Variants in TAF1B observed in about 807,000 individuals in gnomAD.
TAF1B encodes the protein TATA box-binding protein-associated factor RNA polymerase I subunit B.
TAF1B carries 61 observed loss-of-function variants against 83.9 expected under a neutral mutation model. That is an observed-to-expected ratio of 0.73 (90% CI 0.59 to 0.90). The LOEUF (loss-of-function observed/expected upper bound fraction) is 0.90. Ranked by LOEUF, TAF1B falls within the 40% of genes least tolerant of loss-of-function variation. The pLI is 0.00. For missense variants in TAF1B, 625 were observed against 677.0 expected, an observed-to-expected ratio of 0.92 and a Z score of 0.85; for synonymous variants, 221 against 224.6, an observed-to-expected ratio of 0.98 and a Z score of 0.14.
intron 14 of TAF1B, among the ~76,000 whole-genome samples, chr2:9,931,747 A>G (rs1021904237): frequency 5.9e-5 from 9 of 152,184 alleles, no homozygotes; most frequent in African/African-American, 2.2e-4. Context: ...CTCCTGGATA[A>G]TATCCTGCAG....
At chr2:9,874,022 A>G (rs1337964847) in intron 6 of TAF1B, among the ~76,000 whole-genome samples, 1 of 152,138 alleles carries the variant, frequency 6.6e-6, no homozygotes, top group Non-Finnish European at 1.5e-5. Context: ...ATGACCTACA[A>G]AATTCTACAT....
chr2:9,920,609 G>A (rs1665849076), intron 14 of TAF1B, among the ~76,000 whole-genome samples: 1 of 151,668 alleles, frequency 6.6e-6, no homozygotes, highest in Non-Finnish European at 1.5e-5. Context: ...TGCCCCTCAG[G>A]TGTTAATAGT....
At chr2:9,910,665 A>G in intron 9 of TAF1B, 71 bp from the exon 10 acceptor site, 1 of 1,357,478 alleles carries the variant, frequency 7.4e-7, no homozygotes. Flanking sequence ...GATAAAGGTT[A>G]TTTTATGGAT....
Position 9,878,616 on chromosome 2 carries a change from A to G in TAF1B, c.707+2598A>G, listed in dbSNP as rs56080224. On this transcript the variant is annotated intron_variant, in intron 7 of 14. Coordinates refer to ENST00000263663, the MANE Select transcript of TAF1B (RefSeq NM_005680.3). The stretch of plus-strand genomic sequence containing the variant: ...TAAGGGACCCTGCCTACCTAGCAAT[A>G]ATGGCATTAATGAATAAAAATAGCC... Among the ~76,000 whole-genome samples, 602 of 152,274 alleles carry G rather than the reference A, an allele frequency of 4.0e-3. 5 individuals are homozygous for G. The highest frequency in any genetic ancestry group is 0.014 in the African/African-American group (573 of 41,544).
intron 7 of TAF1B, among the ~76,000 whole-genome samples, chr2:9,879,782 T>G (rs1291462880): frequency 2.0e-5 from 3 of 152,196 alleles, no homozygotes; most frequent in Non-Finnish European, 2.9e-5. Flanking sequence ...TGAGGTATAA[T>G]TTATATATAA....
rs949816928 is a variant in TAF1B, at chr2:9,843,504, T to C, written c.-38T>C. 6.6e-6 allele frequency: 10 copies of C among 1,520,220 alleles called. No homozygotes were observed. Among genetic ancestry groups the C allele is most frequent in the Non-Finnish European group, 8.9e-6 (10 of 1,129,550 alleles). The allele number at this position is 1,520,220 out of a possible 1,614,324, so 94.2% of individuals were successfully genotyped here. On this transcript the variant is annotated 5_prime_UTR_variant, in exon 1 of 15. Coordinates refer to ENST00000263663, the MANE Select transcript of TAF1B (RefSeq NM_005680.3). Reference sequence around the variant, plus strand: ...CCGGAAGCTGCGCTCGCTACCCGGGTAACGGGTCCCGGCTGTGGAAGCTCC... The same window carrying C: ...CCGGAAGCTGCGCTCGCTACCCGGGCAACGGGTCCCGGCTGTGGAAGCTCC...
At chr2:9,902,933 A>T (rs1188033254) in intron 8 of TAF1B, among the ~76,000 whole-genome samples, 1 of 152,216 alleles carries the variant, frequency 6.6e-6, no homozygotes. Context: ...ATAGTTATTT[A>T]TCCAAGCCTT....
intron 5 of TAF1B, among the ~76,000 whole-genome samples, chr2:9,864,568 A>G (rs1663898255): frequency 6.6e-6 from 1 of 152,214 alleles, no homozygotes. Context: ...AAAAAGAGGG[A>G]ATCCTCCCTA....
chr2:9,915,702 A>G (rs1665663335), intron 12 of TAF1B, among the ~76,000 whole-genome samples: 1 of 152,226 alleles, frequency 6.6e-6, no homozygotes, highest in African/African-American at 2.4e-5. Context: ...AAAGTTAAAC[A>G]TACATTTATT....
At chr2:9,898,346 A>G (rs1665081240) in intron 8 of TAF1B, among the ~76,000 whole-genome samples, 1 of 152,188 alleles carries the variant, frequency 6.6e-6, no homozygotes, top group Admixed American at 6.5e-5. Flanking sequence ...TTACGCTTTG[A>G]GCAGTGCATT....
Position 9,904,969 on chromosome 2 carries a change from A to G in TAF1B, c.918A>G (p.Ile306Met), listed in dbSNP as rs754759809. 49 of 1,612,554 alleles carry G rather than the reference A, an allele frequency of 3.0e-5. No homozygotes were observed. The highest frequency in any genetic ancestry group is 3.3e-4 in the Middle Eastern group (2 of 6,078). ...AAGACTGCTATCTTCATCCCAACAT[A>G]CTGTGTATGAAATACTTGATGGAAG... The part of the protein sequence containing the change: ...ITEDCYLHPN[I>M]LCMKYLMEVN... Residue 306 changes from isoleucine to methionine, a missense_variant, in exon 9 of 15, where the codon ATA becomes ATG. Transcript: ENST00000263663.
At chr2:9,861,180 G>A (rs1233548442) in intron 5 of TAF1B, among the ~76,000 whole-genome samples, 1 of 152,264 alleles carries the variant, frequency 6.6e-6, no homozygotes, top group Non-Finnish European at 1.5e-5. Context: ...CAAGGGGTCA[G>A]GGAATTCCCT....
intron 14 of TAF1B, among the ~76,000 whole-genome samples, chr2:9,921,003 G>C (rs895077250): frequency 6.6e-6 from 1 of 152,124 alleles, no homozygotes. Flanking sequence ...TAGACTTCCG[G>C]CTTAGTAATA....
chr2:9,870,869 A>G (rs572498022), intron 6 of TAF1B, among the ~76,000 whole-genome samples: 3 of 152,252 alleles, frequency 2.0e-5, no homozygotes, highest in African/African-American at 4.8e-5. Context: ...GGAGTTGATA[A>G]TTGTTATTTA....
Position 9,874,904 on chromosome 2 carries a change from T to TA in TAF1B, c.554-961_554-960insA, listed in dbSNP as rs1664274848. On this transcript the variant is annotated intron_variant, in intron 6 of 14. Transcript: ENST00000263663. The stretch of plus-strand genomic sequence containing the variant: ...TTGTGCATTGTAATTGTGTATCCTT[T>TA]CCTTTATTTAAAAAATTGGTTTATG... Among the ~76,000 whole-genome samples, 3 of 152,238 alleles carry TA rather than the reference T, an allele frequency of 2.0e-5. No individual in the cohort carries two copies. The South Asian group carries it at 6.2e-4, about 32-fold the overall frequency.
chr2:9,868,466 C>G (rs1241015272), intron 6 of TAF1B, 37 bp downstream of exon 6: 4 of 1,582,000 alleles, frequency 2.5e-6, no homozygotes, highest in Non-Finnish European at 3.4e-6. Context: ...AATTTTAAAG[C>G]TGTTATGCCC....
chr2:9,908,025 A>ATTTT (rs1665400435), intron 9 of TAF1B, among the ~76,000 whole-genome samples: 1 of 100,930 alleles, frequency 9.9e-6, no homozygotes. Context: ...CAAGATCTTA[A>ATTTT]TTCTTTTTTT....
In TAF1B at chr2:9,854,649, A is replaced by G. The variant is rs1663500988; in HGVS notation, c.399+228A>G. On this transcript the variant is annotated intron_variant, in intron 5 of 14. Transcript: ENST00000263663. Reference sequence around the variant, plus strand: ...AGTATGGAATTAATTTTGACATCTTATCAGACTAGTTGAAACATAAAGGAA... The same window carrying G: ...AGTATGGAATTAATTTTGACATCTTGTCAGACTAGTTGAAACATAAAGGAA... 2.0e-5 allele frequency among the ~76,000 whole-genome samples: 3 copies of G among 151,916 alleles called. No homozygotes were observed. The South Asian group carries it at 6.2e-4, about 31-fold the overall frequency.
chr2:9,931,739 C>A (rs1384732723), intron 14 of TAF1B, among the ~76,000 whole-genome samples: 1 of 152,192 alleles, frequency 6.6e-6, no homozygotes, highest in Non-Finnish European at 1.5e-5. Flanking sequence ...GGGAAGTTCT[C>A]CTGGATAATA....
Sources: gnomAD v4.1 joint callset for allele counts (sites outside exome capture counted in the v4.1 genomes callset) on GRCh38, gnomAD v4.1.1 for gene constraint, MANE v1.5 for transcripts, NCBI Gene and HGNC (gene_info 2026-07-23, HGNC 2026-07-21) for gene names.